The following TAB2 variants were observed in gnomAD, a reference collection of about 807,000 sequenced individuals.
TAB2 encodes TGF-beta activated kinase 1 (MAP3K7) binding protein 2, also known as TGF-beta-activated kinase 1 and MAP3K7-binding protein 2.
In TAB2, 3 loss-of-function variants were observed where a neutral mutation model predicts 65.0. The ratio of observed to expected loss-of-function variants is 0.05; its 90% confidence interval spans 0.02 to 0.12. The LOEUF (loss-of-function observed/expected upper bound fraction) is 0.12, where lower values mean the gene tolerates loss of function less well. Ranked by LOEUF, TAB2 falls within the 10% of genes least tolerant of loss-of-function variation. The probability of loss-of-function intolerance (pLI) is 1.00; values close to 1 mark genes in which losing one functional copy is unlikely to be tolerated. For missense variants in TAB2, 623 were observed against 840.3 expected (o/e 0.74, Z 3.20); for synonymous variants, 298 against 285.1 (o/e 1.05, Z -0.46).
In TAB2 at chr6:149,409,599, A is replaced by G. The variant is rs755171650; in HGVS notation, c.1962A>G (p.Thr654=). The G allele has an allele frequency of 2.4e-5, 39 of 1,613,968 alleles. No homozygotes were observed. The highest frequency in any genetic ancestry group is 3.3e-5 in the Non-Finnish European group (39 of 1,179,900). ...CAGATCAAAGGTCCATCATCAAAAC[A>G]CCAAAGACTCAAGACACAGAAGATG... is the stretch of plus-strand genomic sequence containing the variant. ...KPKDQRSIIK[T]PKTQDTEDDE... Residue 654 remains threonine, a synonymous_variant, in exon 7 of 7, where the codon ACA becomes ACG. Transcript: ENST00000637181.
At chr6:149,253,438 C>A (rs1777900279) in intron 1 of TAB2, among the ~76,000 whole-genome samples, 1 of 151,664 alleles carries the variant, frequency 6.6e-6, no homozygotes, top group East Asian at 1.9e-4. Flanking sequence ...CTGGCCAACA[C>A]AGTGAAACCC....
At chr6:149,267,339 C>A (rs1438215448) in intron 1 of TAB2, among the ~76,000 whole-genome samples, 1 of 152,174 alleles carries the variant, frequency 6.6e-6, no homozygotes. Flanking sequence ...TGTCAGAACA[C>A]AACAAGGATC....
At chr6:149,354,347 C>T (rs969675982) in intron 1 of TAB2, among the ~76,000 whole-genome samples, 8 of 152,056 alleles carry the variant, frequency 5.3e-5, no homozygotes, top group East Asian at 1.9e-4. Context: ...TTAGGTAGAT[C>T]GTGTCACAAA....
At chr6:149,318,074 G>A in intron 1 of TAB2, 59 bp downstream of exon 1, 1 of 156,128 alleles carries the variant, frequency 6.4e-6, no homozygotes, top group Non-Finnish European at 1.4e-5. Context: ...TCCCCTCATC[G>A]CCCCGCACCC....
chr6:149,332,147 C>G (rs1779803608), intron 1 of TAB2, among the ~76,000 whole-genome samples: 1 of 152,152 alleles, frequency 6.6e-6, no homozygotes, highest in Admixed American at 6.6e-5. Flanking sequence ...CAAGTTTAGA[C>G]TGAGCAATCA....
chr6:149,316,480 T>C (rs1779254702), upstream of TAB2, among the ~76,000 whole-genome samples: 2 of 152,038 alleles, frequency 1.3e-5, no homozygotes, highest in Admixed American at 6.6e-5. Context: ...TTCTCTGGAG[T>C]AAGAATTGTT....
intron 6 of TAB2, chr6:149,401,364 G>A: frequency 6.2e-6 from 1 of 161,796 alleles, no homozygotes. Flanking sequence ...AAAGTGAAGG[G>A]ATGGAAAAAG....
In TAB2 at chr6:149,299,166, A is replaced by C. The variant is rs73781730; in HGVS notation, c.-120-78852A>C. Among the ~76,000 whole-genome samples, 456 of 152,374 alleles carry C rather than the reference A, an allele frequency of 3.0e-3. 5 individuals carry two copies. Among genetic ancestry groups the C allele is most frequent in the African/African-American group, 0.01 (435 of 41,590 alleles). Reference sequence around the variant, plus strand: ...CTGTGTTAAGAATCTGCCTGATTTTAGTAGAAAATTTTCATGGTATAGCAT... The same window carrying C: ...CTGTGTTAAGAATCTGCCTGATTTTCGTAGAAAATTTTCATGGTATAGCAT... On this transcript the variant is annotated intron_variant, in intron 1 of 1. Transcript: ENST00000606202.
intron 3 of TAB2, among the ~76,000 whole-genome samples, chr6:149,384,112 A>G (rs893042986): frequency 6.6e-6 from 1 of 152,220 alleles, no homozygotes. Context: ...CTGCAGTGAA[A>G]TTGATTTTTC....
chr6:149,327,870 T>G (rs1336642511), intron 1 of TAB2, among the ~76,000 whole-genome samples: 2 of 152,238 alleles, frequency 1.3e-5, no homozygotes, highest in African/African-American at 4.8e-5. Flanking sequence ...TTGACACGTG[T>G]TGAATGCCCT....
chr6:149,259,675 T>C (rs1778112423), intron 1 of TAB2, among the ~76,000 whole-genome samples: 1 of 151,922 alleles, frequency 6.6e-6, no homozygotes. Flanking sequence ...CATAAAAGAG[T>C]GGGGAGAGCC....
At chr6:149,286,455 G>T (rs990909953) in intron 1 of TAB2, among the ~76,000 whole-genome samples, 4 of 152,134 alleles carry the variant, frequency 2.6e-5, no homozygotes, top group African/African-American at 7.2e-5. Context: ...TAAAATTAAA[G>T]CCAGAGAGCC....
At chr6:149,363,831 A>G (rs1466309566) in intron 1 of TAB2, among the ~76,000 whole-genome samples, 1 of 151,976 alleles carries the variant, frequency 6.6e-6, no homozygotes, top group Non-Finnish European at 1.5e-5. Context: ...TGATATCTCT[A>G]TTTGGATGTT....
intron 1 of TAB2, among the ~76,000 whole-genome samples, chr6:149,293,226 T>G (rs1778808738): frequency 6.6e-6 from 1 of 152,200 alleles, no homozygotes; most frequent in Non-Finnish European, 1.5e-5. Flanking sequence ...AATTATTTCA[T>G]TTAGAAAAAA....
chr6:149,226,083 A>G (rs1777268440), intron 1 of TAB2, among the ~76,000 whole-genome samples: 1 of 152,084 alleles, frequency 6.6e-6, no homozygotes, highest in Non-Finnish European at 1.5e-5. Context: ...AGTACACAAC[A>G]GCCACCACCA....
intron 1 of TAB2, among the ~76,000 whole-genome samples, chr6:149,312,040 G>T (rs1228825573): frequency 6.6e-6 from 1 of 152,206 alleles, no homozygotes; most frequent in Non-Finnish European, 1.5e-5. Flanking sequence ...GAGAAGATTA[G>T]CTCATTCTAA....
chr6:149,282,412 T>C (rs73607343), intron 1 of TAB2, among the ~76,000 whole-genome samples: 2,998 of 152,084 alleles, frequency 0.02, 86 homozygotes, highest in African/African-American at 0.066. Context: ...CTATCACATA[T>C]ATTTATAATA....
intron 1 of TAB2, among the ~76,000 whole-genome samples, chr6:149,331,952 CA>C (rs1779797122): frequency 6.6e-6 from 1 of 151,910 alleles, no homozygotes; most frequent in Non-Finnish European, 1.5e-5. Flanking sequence ...GGGACCAGGA[CA>C]GTAATAGGAA....
At chr6:149,362,346 A>G (rs759371887) in intron 1 of TAB2, among the ~76,000 whole-genome samples, 7 of 152,216 alleles carry the variant, frequency 4.6e-5, no homozygotes, top group African/African-American at 9.6e-5. Context: ...GCTTACAGCT[A>G]TGGCAGAAGG....
Sources: allele counts gnomAD v4.1 joint callset (sites outside exome capture counted in the v4.1 genomes callset), GRCh38; gene constraint gnomAD v4.1.1; transcripts MANE v1.5; gene names NCBI Gene and HGNC (gene_info 2026-07-23, HGNC 2026-07-21).